Variants in ACTR3 observed in about 807,000 individuals in gnomAD.
ACTR3 encodes the protein actin related protein 3, also known as actin-related protein 3.
In ACTR3, 12 loss-of-function variants were observed where a neutral mutation model predicts 56.8. The ratio of observed to expected loss-of-function variants is 0.21; its 90% confidence interval spans 0.14 to 0.34. ACTR3 has a LOEUF of 0.34. Among genes scored for constraint, ACTR3 ranks in the 10% least tolerant of loss-of-function variants. ACTR3 has a pLI of 1.00. For synonymous variants in ACTR3, 162 were observed against 167.4 expected (o/e 0.97, Z 0.25); for missense variants, 282 against 512.5 (o/e 0.55, Z 4.34).
intron 1 of ACTR3, chr2:113,890,673 G>C (rs770207924): frequency 4.7e-4 from 550 of 1,177,160 alleles, no homozygotes; most frequent in Non-Finnish European, 5.5e-4. Context: ...CGACCCATCC[G>C]GCTTTCCTTT....
intron 1 of ACTR3, among the ~76,000 whole-genome samples, chr2:113,903,644 T>A (rs897197781): frequency 3.3e-5 from 5 of 151,674 alleles, no homozygotes; most frequent in Non-Finnish European, 7.4e-5. Flanking sequence ...AAAGCAATTC[T>A]CCTGCCTCAG....
At chr2:113,902,279 T>C (rs980382354) in intron 1 of ACTR3, among the ~76,000 whole-genome samples, 1 of 152,150 alleles carries the variant, frequency 6.6e-6, no homozygotes, top group African/African-American at 2.4e-5. Flanking sequence ...CTACTATTAT[T>C]CTTCTAGTCA....
chr2:113,955,568 C>A (rs138647366), intron 10 of ACTR3, 55 bp from the exon 11 acceptor site: 5 of 1,284,054 alleles, frequency 3.9e-6, no homozygotes, highest in African/African-American at 3.0e-5. Flanking sequence ...TTAAATGACA[C>A]AGAAGTTGTT....
intron 1 of ACTR3, among the ~76,000 whole-genome samples, chr2:113,908,075 T>C (rs921526702): frequency 6.6e-6 from 1 of 151,302 alleles, no homozygotes; most frequent in Admixed American, 6.6e-5. Context: ...CAAACATGTA[T>C]ATATGCTTAG....
chr2:113,933,067 A>T (rs1263426647), intron 5 of ACTR3, among the ~76,000 whole-genome samples: 1 of 152,182 alleles, frequency 6.6e-6, no homozygotes, highest in East Asian at 1.9e-4. Context: ...CTCACACTTA[A>T]AAAAGAATTG....
At chr2:113,948,749 A>C (rs535668213) in intron 8 of ACTR3, among the ~76,000 whole-genome samples, 1 of 152,090 alleles carries the variant, frequency 6.6e-6, no homozygotes, top group East Asian at 2.0e-4. Context: ...TTCACCTCCA[A>C]ACTCTCTTCA....
At chr2:113,894,093 CTTT>C (rs142698815) in intron 1 of ACTR3, among the ~76,000 whole-genome samples, 1 of 143,920 alleles carries the variant, frequency 6.9e-6, no homozygotes, top group Non-Finnish European at 1.5e-5. Flanking sequence ...AATGCTGTTT[CTTT>C]TTTTTTTTTT....
rs777354226 is a variant in ACTR3, at chr2:113,890,306, G to A, written c.27G>A (p.Val9=). MAGRLPAC[V]VDCGTGYTKL... is the part of the protein sequence containing the mutation. ...TGGCGGGACGGCTGCCGGCCTGTGT[G>A]GTGGACTGTGGCACGGGGTAAGGGG... is the stretch of plus-strand genomic sequence containing the variant. The change falls in exon 1 of 12, where the codon GTG becomes GTA. Residue 9 remains valine, a synonymous_variant. Coordinates refer to ENST00000263238, the MANE Select transcript of ACTR3 (RefSeq NM_005721.5). 3.2e-6 allele frequency: 5 copies of A among 1,548,700 alleles called. No individual in the cohort carries two copies. In the Middle Eastern group the frequency reaches 5.2e-4, roughly 162 times the overall value.
At chr2:113,898,256 G>A (rs1030605085) in intron 1 of ACTR3, among the ~76,000 whole-genome samples, 19 of 151,978 alleles carry the variant, frequency 1.3e-4, no homozygotes, top group Non-Finnish European at 2.2e-4. Context: ...GTGTATTTGT[G>A]AAACTTGCTT....
intron 11 of ACTR3, 128 bp downstream of exon 11, chr2:113,955,834 A>G (rs1680201695): frequency 1.6e-6 from 1 of 612,378 alleles, no homozygotes; most frequent in South Asian, 2.3e-5. Flanking sequence ...TGCAACCTCC[A>G]CCTCCTGGGT....
In ACTR3 at chr2:113,927,338, T is replaced by C. The variant is rs1233565441; in HGVS notation, c.226-7T>C. ...TTTAATTTGTATTTCCCTTTTTGTT[T>C]TAATAGTGGCCAATCCGCCATGGTA... On this transcript the variant is annotated splice_polypyrimidine_tract_variant and splice_region_variant and intron_variant, in intron 3 of 11. Transcript: ENST00000263238. The C allele has an allele frequency of 2.0e-6, 3 of 1,535,296 alleles. No individual in the cohort carries two copies. Among genetic ancestry groups the C allele is most frequent in the East Asian group, 4.5e-5 (2 of 43,960 alleles).
Position 113,957,541 on chromosome 2 carries a change from A to G in ACTR3, c.*86A>G. 1 of 1,100,792 alleles carries G rather than the reference A, an allele frequency of 9.1e-7. No homozygotes were observed. Among genetic ancestry groups the G allele is most frequent in the Non-Finnish European group, 1.4e-6 (1 of 727,078 alleles). 68.2% of individuals were successfully genotyped at this position (1,100,792 alleles called of 1,614,324 possible). On this transcript the variant is annotated 3_prime_UTR_variant, in exon 12 of 12. Transcript: ENST00000263238. ...TGTTTTGTCTGGATGGCTGGTTTTG[A>G]GGTTTTAAACCTGACTTGAAATAGT...
chr2:113,890,136 TGCTTCG>T lies in ACTR3; in HGVS notation c.-138_-133del. The stretch of plus-strand genomic sequence containing the variant: ...ACCGAGCCTGCTGCTTTCTTGCTAC[TGCTTCG>T]GCTTCCCGGCTACCCCCCGGACGGT... On this transcript the variant is annotated 5_prime_UTR_variant, in exon 1 of 12. Coordinates refer to ENST00000263238, the MANE Select transcript of ACTR3 (RefSeq NM_005721.5). The T allele has an allele frequency of 9.6e-7, 1 of 1,042,170 alleles. No homozygotes were observed. The highest frequency in any genetic ancestry group is 2.1e-5 in the Admixed American group (1 of 47,124). The allele number at this position is 1,042,170 out of a possible 1,614,324, so 64.6% of individuals were successfully genotyped here.
intron 3 of ACTR3, among the ~76,000 whole-genome samples, chr2:113,923,741 T>C (rs1193895923): frequency 1.3e-5 from 2 of 151,982 alleles, no homozygotes; most frequent in Non-Finnish European, 2.9e-5. Flanking sequence ...CCTTTTTTTT[T>C]TTTTTCTCTT....
intron 2 of ACTR3, among the ~76,000 whole-genome samples, chr2:113,914,199 A>ATAGGAGT (rs61510700): frequency 6.6e-6 from 1 of 151,994 alleles, no homozygotes; most frequent in Non-Finnish European, 1.5e-5. Flanking sequence ...TGAGAATAAG[A>ATAGGAGT]TGTTAGGCTT....
At chr2:113,929,391 A>G (rs1216872987) in intron 4 of ACTR3, among the ~76,000 whole-genome samples, 1 of 151,856 alleles carries the variant, frequency 6.6e-6, no homozygotes, top group African/African-American at 2.4e-5. Context: ...TCCTCCCGCC[A>G]TGGCCTCTCA....
rs1680292212 is a variant in ACTR3 at position 113,959,708 on chromosome 2, T to G, written c.*2253T>G. 1 of 152,018 alleles carries G rather than the reference T, an allele frequency of 6.6e-6. No homozygotes were observed. The highest frequency in any genetic ancestry group is 1.9e-4 in the East Asian group (1 of 5,196). 9.4% of individuals were successfully genotyped at this position (152,018 alleles called of 1,614,324 possible). On this transcript the variant is annotated 3_prime_UTR_variant, in exon 12 of 12. Transcript: ENST00000263238. The stretch of plus-strand genomic sequence containing the variant: ...GTGATTGTATACCGTTTTTTCAACT[T>G]AAAGCAACTTCAGCTGGAAATATGT...
At chr2:113,940,127 T>A in intron 7 of ACTR3, 25 bp downstream of exon 7, 1 of 1,583,342 alleles carries the variant, frequency 6.3e-7, no homozygotes, top group Non-Finnish European at 8.6e-7. Context: ...AGGAGTGTAA[T>A]TTAGTTAAAA....
At chr2:113,904,673 T>A (rs951374666) in intron 1 of ACTR3, 1 of 152,364 alleles carries the variant, frequency 6.6e-6, no homozygotes, top group African/African-American at 2.4e-5. Context: ...TTTTCGTAAG[T>A]GGCTGCATCA....
Sources: allele counts gnomAD v4.1 joint callset (sites outside exome capture counted in the v4.1 genomes callset), GRCh38; gene constraint gnomAD v4.1.1; transcripts MANE v1.5; gene names NCBI Gene and HGNC (gene_info 2026-07-23, HGNC 2026-07-21).